ZFHX3: variants seen among roughly 807,000 people sequenced by gnomAD.
ZFHX3 encodes the protein zinc finger homeobox 3.
ZFHX3 carries 42 observed loss-of-function variants against 279.1 expected under a neutral mutation model. The observed-to-expected ratio is 0.15, with a 90% confidence interval of 0.12 to 0.19. ZFHX3 has a LOEUF of 0.19. Among genes scored for constraint, ZFHX3 ranks in the 10% least tolerant of loss-of-function variants. The probability of loss-of-function intolerance (pLI) is 1.00; values close to 1 mark genes in which losing one functional copy is unlikely to be tolerated. For missense variants in ZFHX3, 4,981 were observed against 4,754.0 expected, an observed-to-expected ratio of 1.05 and a Z score of -1.40; for synonymous variants, 2,293 against 1,957.8, an observed-to-expected ratio of 1.17 and a Z score of -4.52.
intron 4 of ZFHX3, chr16:73,294,002 A>AC (rs2014840404): frequency 6.6e-6 from 1 of 151,390 alleles, no homozygotes; most frequent in Non-Finnish European, 1.5e-5. Context: ...AAAAAAAAAA[A>AC]AAAAAAAAAA....
intron 1 of ZFHX3, among the ~76,000 whole-genome samples, chr16:72,999,895 T>C (rs1963432287): frequency 6.6e-6 from 1 of 152,196 alleles, no homozygotes; most frequent in Admixed American, 6.5e-5. Flanking sequence ...GGCTCATCCA[T>C]CCAGATTCAG....
At chr16:72,887,540 G>C (rs1045720958) in intron 4 of ZFHX3, among the ~76,000 whole-genome samples, 1 of 151,870 alleles carries the variant, frequency 6.6e-6, no homozygotes, top group African/African-American at 2.4e-5. Flanking sequence ...GTGGGAGGGA[G>C]TCCAACTGTT....
chr16:73,643,087 G>A (rs2052588086), intron 2 of ZFHX3, among the ~76,000 whole-genome samples: 1 of 152,172 alleles, frequency 6.6e-6, no homozygotes. Context: ...AAGCATAAGA[G>A]ATTTTGCTAT....
intron 1 of ZFHX3, among the ~76,000 whole-genome samples, chr16:73,816,772 T>G (rs960640601): frequency 1.3e-5 from 2 of 152,086 alleles, no homozygotes; most frequent in Non-Finnish European, 2.9e-5. Flanking sequence ...ACTGGATGGT[T>G]TGAAGTAACG....
chr16:72,817,278 TC>T (rs1365421777), intron 5 of ZFHX3, among the ~76,000 whole-genome samples: 1 of 152,196 alleles, frequency 6.6e-6, no homozygotes, highest in African/African-American at 2.4e-5. Flanking sequence ...GACATCCGAA[TC>T]ACTGAAATTC....
chr16:72,922,115 G>A (rs1007883577), intron 3 of ZFHX3, among the ~76,000 whole-genome samples: 5 of 152,214 alleles, frequency 3.3e-5, no homozygotes, highest in African/African-American at 1.2e-4. Flanking sequence ...GCAGACCTTC[G>A]CATTTCCACA....
At chr16:73,771,718 G>C (rs970544295) in intron 1 of ZFHX3, among the ~76,000 whole-genome samples, 1 of 151,640 alleles carries the variant, frequency 6.6e-6, no homozygotes, top group Non-Finnish European at 1.5e-5. Context: ...TCCTTCCCTA[G>C]AGAACTCTGC....
intron 5 of ZFHX3, among the ~76,000 whole-genome samples, chr16:73,192,943 C>T (rs1463190033): frequency 1.3e-5 from 2 of 152,138 alleles, no homozygotes; most frequent in Admixed American, 6.5e-5. Flanking sequence ...TGCTGCTAAG[C>T]CTCAGTTTCC....
intron 2 of ZFHX3, among the ~76,000 whole-genome samples, chr16:73,619,417 G>A (rs1406204311): frequency 2.0e-5 from 3 of 151,480 alleles, no homozygotes; most frequent in Non-Finnish European, 2.9e-5. Flanking sequence ...GAACCCGGGA[G>A]GCAGAGCTGG....
intron 1 of ZFHX3, among the ~76,000 whole-genome samples, chr16:73,044,287 G>C (rs544127480): frequency 2.0e-5 from 3 of 152,248 alleles, no homozygotes; most frequent in Admixed American, 6.5e-5. Flanking sequence ...CCTTCCTGTT[G>C]TGTTTTTACA....
At chr16:73,030,036 A>C (rs1012943969) in intron 1 of ZFHX3, among the ~76,000 whole-genome samples, 6 of 152,200 alleles carry the variant, frequency 3.9e-5, no homozygotes, top group African/African-American at 1.4e-4. Flanking sequence ...ATAAATACTA[A>C]TAACCCAACA....
intron 3 of ZFHX3, among the ~76,000 whole-genome samples, chr16:73,446,171 C>T (rs1186889860): frequency 1.3e-5 from 2 of 152,130 alleles, no homozygotes; most frequent in East Asian, 3.9e-4. Flanking sequence ...TGGTGGAGTA[C>T]ATTTGGATCA....
At chr16:72,882,655 T>C (rs1033391237) in intron 4 of ZFHX3, among the ~76,000 whole-genome samples, 9 of 152,116 alleles carry the variant, frequency 5.9e-5, no homozygotes, top group African/African-American at 2.2e-4. Context: ...GGCAGCAGCG[T>C]CTGACAGCAG....
chr16:73,105,929 A>ACCCCCCCCCC (rs34679627), intron 7 of ZFHX3, among the ~76,000 whole-genome samples: 1 of 110,842 alleles, frequency 9.0e-6, no homozygotes, highest in Non-Finnish European at 1.8e-5. Flanking sequence ...ATGTACACGG[A>ACCCCCCCCCC]CCCCCTCCCC....
At chr16:73,643,201 G>A (rs908235875) in intron 2 of ZFHX3, among the ~76,000 whole-genome samples, 1 of 152,194 alleles carries the variant, frequency 6.6e-6, no homozygotes, top group Non-Finnish European at 1.5e-5. Flanking sequence ...GTCTTTATCA[G>A]TAAGTGAAGA....
At chr16:72,875,038 G>C (rs890542325) in intron 4 of ZFHX3, among the ~76,000 whole-genome samples, 7 of 152,212 alleles carry the variant, frequency 4.6e-5, no homozygotes, top group Non-Finnish European at 8.8e-5. Context: ...TGCCTAACCT[G>C]TTGATGCTGT....
intron 9 of ZFHX3, among the ~76,000 whole-genome samples, chr16:72,791,858 G>A (rs1030936844): frequency 6.6e-5 from 10 of 152,288 alleles, no homozygotes; most frequent in African/African-American, 2.4e-4. Flanking sequence ...GAATGCAGTG[G>A]CCTTATGTTT....
At chr16:73,527,906 A>C (rs1224101378) in intron 2 of ZFHX3, among the ~76,000 whole-genome samples, 1 of 152,218 alleles carries the variant, frequency 6.6e-6, no homozygotes, top group African/African-American at 2.4e-5. Context: ...GCACCCAGCT[A>C]ACCTACATAA....
At chr16:73,651,294 G>A (rs1183623840) in intron 2 of ZFHX3, among the ~76,000 whole-genome samples, 1 of 151,472 alleles carries the variant, frequency 6.6e-6, no homozygotes, top group African/African-American at 2.4e-5. Context: ...ATAGTAAGAA[G>A]GCCTAATCTA....
Sources: allele counts gnomAD v4.1 joint callset (sites outside exome capture counted in the v4.1 genomes callset), GRCh38; gene constraint gnomAD v4.1.1; transcripts MANE v1.5; gene names NCBI Gene and HGNC (gene_info 2026-07-23, HGNC 2026-07-21).